Variants in GABRB1 observed in about 807,000 individuals in gnomAD.
GABRB1 encodes gamma-aminobutyric acid type A receptor subunit beta1, also known as gamma-aminobutyric acid receptor subunit beta-1.
In GABRB1, 17 loss-of-function variants were observed where a neutral mutation model predicts 51.6. The observed-to-expected ratio is 0.33, with a 90% confidence interval of 0.23 to 0.49. The LOEUF is 0.49. Ranked by LOEUF, GABRB1 falls within the 20% of genes least tolerant of loss-of-function variation. The pLI is 0.99. For missense variants in GABRB1, 410 were observed against 600.6 expected (o/e 0.68, Z 3.32); for synonymous variants, 247 against 218.9 (o/e 1.13, Z -1.14).
chr4:47,038,338 A>G (rs1303247977), intron 3 of GABRB1, among the ~76,000 whole-genome samples: 1 of 152,194 alleles, frequency 6.6e-6, no homozygotes, highest in Non-Finnish European at 1.5e-5. Context: ...AAACACATTC[A>G]CAAAGACAGC....
chr4:47,082,630 C>T (rs1248152525), intron 3 of GABRB1, among the ~76,000 whole-genome samples: 1 of 152,040 alleles, frequency 6.6e-6, no homozygotes, highest in African/African-American at 2.4e-5. Flanking sequence ...AATCTATGGT[C>T]TCACAAATCT....
intron 4 of GABRB1, among the ~76,000 whole-genome samples, chr4:47,262,172 CA>C: frequency 6.6e-6 from 1 of 151,650 alleles, no homozygotes; most frequent in East Asian, 1.9e-4. Context: ...GCAATGGCAA[CA>C]AAAGCCAAAA....
chr4:47,052,137 A>T (rs1325778909), intron 3 of GABRB1, among the ~76,000 whole-genome samples: 1 of 152,136 alleles, frequency 6.6e-6, no homozygotes, highest in African/African-American at 2.4e-5. Context: ...CTCAAAAAAT[A>T]AATAAATAAG....
chr4:47,255,442 C>T (rs368362445), intron 4 of GABRB1, among the ~76,000 whole-genome samples: 8 of 152,276 alleles, frequency 5.3e-5, no homozygotes, highest in African/African-American at 9.6e-5. Context: ...AGTGAGTTAT[C>T]TGAACAAATA....
chr4:47,034,308 C>A (rs1725460213), intron 3 of GABRB1, among the ~76,000 whole-genome samples: 1 of 152,016 alleles, frequency 6.6e-6, no homozygotes, highest in Non-Finnish European at 1.5e-5. Flanking sequence ...CTGCAATCAA[C>A]AACCACCGTA....
chr4:47,127,694 A>G (rs1226885609), intron 3 of GABRB1, among the ~76,000 whole-genome samples: 1 of 151,840 alleles, frequency 6.6e-6, no homozygotes, highest in Non-Finnish European at 1.5e-5. Flanking sequence ...TTTCCCTTTC[A>G]ACATCATCTT....
upstream of GABRB1, among the ~76,000 whole-genome samples, chr4:47,027,040 A>G (rs1306568195): frequency 1.3e-5 from 2 of 151,742 alleles, no homozygotes; most frequent in Non-Finnish European, 3.0e-5. Context: ...TAGATATGTC[A>G]AGTGTTTAAA....
chr4:47,269,405 T>C (rs1560306946), intron 4 of GABRB1, among the ~76,000 whole-genome samples: 1 of 152,220 alleles, frequency 6.6e-6, no homozygotes, highest in Non-Finnish European at 1.5e-5. Context: ...CAGAATTTCA[T>C]TGGAGCTAAT....
In GABRB1 at chr4:47,111,511, A is replaced by G. The variant is rs907875760; in HGVS notation, c.241-49738A>G. Among the ~76,000 whole-genome samples the G allele has an allele frequency of 5.3e-5, 8 of 152,258 alleles. No individual in the cohort carries two copies. In the East Asian group the frequency reaches 7.7e-4, roughly 15 times the overall value. ...GGGACAGAGGACAGTAGAATTTTAA[A>G]CTTGAAATCGGTGCCTAATCTGCCA... On this transcript the variant is annotated intron_variant, in intron 3 of 8. Coordinates refer to ENST00000295454, the MANE Select transcript of GABRB1 (RefSeq NM_000812.4).
intron 3 of GABRB1, among the ~76,000 whole-genome samples, chr4:47,114,199 G>T (rs1295696848): frequency 3.5e-5 from 2 of 57,694 alleles, no homozygotes; most frequent in African/African-American, 1.5e-4. Flanking sequence ...ATTCCAAGGC[G>T]TATGAAGAGA....
chr4:47,158,327 T>C (rs1560563591), intron 3 of GABRB1, among the ~76,000 whole-genome samples: 1 of 152,154 alleles, frequency 6.6e-6, no homozygotes, highest in Non-Finnish European at 1.5e-5. Context: ...CATGGTGTTT[T>C]CAAATATCTG....
At chr4:47,139,249 C>G (rs1255804558) in intron 3 of GABRB1, among the ~76,000 whole-genome samples, 1 of 151,986 alleles carries the variant, frequency 6.6e-6, no homozygotes, top group Non-Finnish European at 1.5e-5. Context: ...AGTAAATAAA[C>G]ACACCATCTC....
At chr4:47,012,229 G>A (rs1328101619) in intron 1 of GABRB1, among the ~76,000 whole-genome samples, 1 of 152,098 alleles carries the variant, frequency 6.6e-6, no homozygotes, top group Non-Finnish European at 1.5e-5. Context: ...AGAAGTACAT[G>A]TGCAGGTTTG....
chr4:47,001,333 G>A (rs975026746), intron 1 of GABRB1, among the ~76,000 whole-genome samples: 66 of 152,012 alleles, frequency 4.3e-4, no homozygotes, highest in Non-Finnish European at 8.1e-4. Flanking sequence ...TAGTAGAGAT[G>A]TGGTTTCACC....
intron 1 of GABRB1, among the ~76,000 whole-genome samples, chr4:47,017,647 C>A (rs1577828617): frequency 6.6e-6 from 1 of 152,278 alleles, no homozygotes; most frequent in African/African-American, 2.4e-5. Context: ...CACACACACA[C>A]ACAAGCATGC....
At chr4:47,128,401 T>A (rs1377716943) in intron 3 of GABRB1, among the ~76,000 whole-genome samples, 2 of 151,742 alleles carry the variant, frequency 1.3e-5, no homozygotes, top group Admixed American at 1.3e-4. Context: ...AATCCATGAA[T>A]TAGAAAAACC....
intron 4 of GABRB1, among the ~76,000 whole-genome samples, chr4:47,197,558 TATA>T (rs1347277454): frequency 1.3e-5 from 2 of 152,188 alleles, no homozygotes; most frequent in African/African-American, 4.8e-5. Context: ...GCTGCTACAA[TATA>T]AGCAGCTTCT....
chr4:47,313,965 A>G (rs1724796850), intron 4 of GABRB1, among the ~76,000 whole-genome samples: 1 of 152,090 alleles, frequency 6.6e-6, no homozygotes, highest in Non-Finnish European at 1.5e-5. Flanking sequence ...TGTGGAACAT[A>G]TATATTCCAA....
At chr4:47,006,575 A>G (rs1313966727) in intron 1 of GABRB1, among the ~76,000 whole-genome samples, 1 of 152,164 alleles carries the variant, frequency 6.6e-6, no homozygotes, top group Admixed American at 6.5e-5. Context: ...GTGTAGCTAT[A>G]AAAATACTGT....
Sources: gnomAD v4.1 joint callset for allele counts (sites outside exome capture counted in the v4.1 genomes callset) on GRCh38, gnomAD v4.1.1 for gene constraint, MANE v1.5 for transcripts, NCBI Gene and HGNC (gene_info 2026-07-23, HGNC 2026-07-21) for gene names.